Variants in TDRD3 observed in about 807,000 individuals in gnomAD.
TDRD3 encodes tudor domain containing 3, also known as tudor domain-containing protein 3.
Under a neutral mutation model 86.7 loss-of-function variants are expected in TDRD3, and 45 were observed. The ratio of observed to expected loss-of-function variants is 0.52; its 90% CI spans 0.41 to 0.67. TDRD3 has a LOEUF of 0.67. Ranked by LOEUF, TDRD3 falls within the 30% of genes least tolerant of loss-of-function variation. TDRD3 has a pLI of 0.00. For missense variants in TDRD3, 814 were observed against 889.0 expected, an observed-to-expected ratio of 0.92 and a Z score of 1.07; for synonymous variants, 298 against 301.7, an observed-to-expected ratio of 0.99 and a Z score of 0.13.
intron 1 of TDRD3, among the ~76,000 whole-genome samples, chr13:60,436,643 C>A (rs1594931884): frequency 6.6e-6 from 1 of 152,010 alleles, no homozygotes; most frequent in Non-Finnish European, 1.5e-5. Flanking sequence ...TATTTTTATA[C>A]CAGTACCATG....
rs186983759 is a variant in TDRD3, at chr13:60,499,865, A to T, written c.858+5290A>T. ...TCATTTGGATGTGTTACTCTGGCGG[A>T]TTTATCAAGTGACCCAAAAGGCTGC... On this transcript the variant is annotated intron_variant, in intron 8 of 13. Coordinates refer to ENST00000377881, the MANE Select transcript of TDRD3 (RefSeq NM_001146070.2). Among the ~76,000 whole-genome samples the T allele has an allele frequency of 3.1e-4, 47 of 152,260 alleles. 1 individual carries two copies. The highest frequency in any genetic ancestry group is 1.1e-3 in the African/African-American group (47 of 41,556).
rs189899409 is a variant in TDRD3 at position 60,493,623 on chromosome 13, A to G, written c.718-812A>G. On this transcript the variant is annotated intron_variant, in intron 7 of 13. Transcript: ENST00000377881. ...GGTTGTAGTGAGCTGAGATTGCACCACTGCACTCCAGTCTAGGTGACAGAA... is the reference window on the plus strand; with the variant it reads ...GGTTGTAGTGAGCTGAGATTGCACCGCTGCACTCCAGTCTAGGTGACAGAA... 1.6e-4 allele frequency among the ~76,000 whole-genome samples: 24 copies of G among 152,282 alleles called. No homozygotes were observed. The East Asian group carries it at 4.6e-3, about 29-fold the overall frequency.
intron 1 of TDRD3, among the ~76,000 whole-genome samples, chr13:60,415,063 CTGAT>C (rs1327929867): frequency 6.6e-5 from 10 of 151,812 alleles, no homozygotes; most frequent in African/African-American, 1.9e-4. Flanking sequence ...TTAAATTAAA[CTGAT>C]TGGTCATCAG....
intron 5 of TDRD3, among the ~76,000 whole-genome samples, chr13:60,473,681 A>G (rs1956118693): frequency 6.6e-6 from 1 of 152,218 alleles, no homozygotes; most frequent in Non-Finnish European, 1.5e-5. Context: ...GGCCATACAG[A>G]GATAGGAGCT....
At chr13:60,516,999 C>T (rs1285273415) in intron 10 of TDRD3, among the ~76,000 whole-genome samples, 2 of 151,986 alleles carry the variant, frequency 1.3e-5, no homozygotes, top group Admixed American at 6.6e-5. Flanking sequence ...TATGGTGTTC[C>T]ATTATTTTTA....
chr13:60,561,403 T>C (rs1958329752), intron 12 of TDRD3, among the ~76,000 whole-genome samples: 1 of 152,056 alleles, frequency 6.6e-6, no homozygotes, highest in African/African-American at 2.4e-5. Flanking sequence ...GTAGCAAAGG[T>C]TGAAGTAGGT....
intron 8 of TDRD3, among the ~76,000 whole-genome samples, chr13:60,497,376 G>A (rs1394506776): frequency 6.6e-6 from 1 of 152,182 alleles, no homozygotes; most frequent in African/African-American, 2.4e-5. Context: ...TCAGGTGATA[G>A]ATGATTGGCT....
chr13:60,492,239 T>C (rs1442179145), intron 7 of TDRD3, among the ~76,000 whole-genome samples: 2 of 152,218 alleles, frequency 1.3e-5, no homozygotes, highest in African/African-American at 4.8e-5. Flanking sequence ...AAAACACTTT[T>C]GGAATTAGGG....
intron 10 of TDRD3, among the ~76,000 whole-genome samples, chr13:60,512,470 A>G (rs1377913353): frequency 3.9e-5 from 6 of 152,136 alleles, no homozygotes; most frequent in African/African-American, 1.4e-4. Context: ...TTCAGCATTA[A>G]CTTAAAAGTC....
chr13:60,442,371 ATG>A (rs35214486), intron 2 of TDRD3, among the ~76,000 whole-genome samples: 37 of 150,426 alleles, frequency 2.5e-4, no homozygotes, highest in Middle Eastern at 3.5e-3. Context: ...TAGGGATTTT[ATG>A]TGTGTGTGTG....
At position 60,453,919 on chromosome 13, in the gene TDRD3, T is replaced by C. The variant is rs564852755; in HGVS notation, c.193-6461T>C. ...CTCATTAGTTTTTTTTGTTTTTTTT[T>C]CAGTTCTCTTTAAGGCTATCAATTT... On this transcript the variant is annotated intron_variant, in intron 3 of 13. Coordinates refer to ENST00000377881, the MANE Select transcript of TDRD3 (RefSeq NM_001146070.2). Among the ~76,000 whole-genome samples, 3 of 152,312 alleles carry C rather than the reference T, an allele frequency of 2.0e-5. No individual in the cohort carries two copies. In the East Asian group the frequency reaches 5.8e-4, roughly 29 times the overall value.
intron 12 of TDRD3, among the ~76,000 whole-genome samples, chr13:60,553,218 G>A: frequency 6.6e-6 from 1 of 152,122 alleles, no homozygotes; most frequent in Non-Finnish European, 1.5e-5. Context: ...GTAGATCACT[G>A]AACGCTTTCA....
intron 6 of TDRD3, chr13:60,484,735 C>T (rs910030189): frequency 2.2e-6 from 1 of 453,372 alleles, no homozygotes; most frequent in Non-Finnish European, 4.4e-6. Context: ...GTGTGAAGTC[C>T]TATGGTGTGA....
chr13:60,572,964 CTG>C (rs1222166965), intron 13 of TDRD3, among the ~76,000 whole-genome samples: 27 of 152,166 alleles, frequency 1.8e-4, no homozygotes. Context: ...AAGCAGGAGA[CTG>C]TTTACTTCCC....
intron 7 of TDRD3, among the ~76,000 whole-genome samples, chr13:60,492,815 A>G (rs1201248770): frequency 6.6e-6 from 1 of 151,952 alleles, no homozygotes; most frequent in Non-Finnish European, 1.5e-5. Context: ...CCTAATAGAG[A>G]TGCTTAATAT....
chr13:60,463,874 C>T (rs1955856556), intron 4 of TDRD3, among the ~76,000 whole-genome samples: 1 of 152,064 alleles, frequency 6.6e-6, no homozygotes, highest in Non-Finnish European at 1.5e-5. Context: ...CCTCTAAACC[C>T]TATATTGGAA....
intron 1 of TDRD3, among the ~76,000 whole-genome samples, chr13:60,406,096 G>A (rs968782187): frequency 1.3e-5 from 2 of 152,202 alleles, no homozygotes; most frequent in Admixed American, 6.5e-5. Context: ...TTACTTGAGT[G>A]TGAGGTCCCT....
chr13:60,461,016 T>TAA (rs991965852), intron 4 of TDRD3: 2 of 151,304 alleles, frequency 1.3e-5, no homozygotes, highest in East Asian at 3.9e-4. Flanking sequence ...TATATATATA[T>TAA]AAAATAAAAA....
chr13:60,495,738 G>A (rs1003591952), intron 8 of TDRD3, among the ~76,000 whole-genome samples: 2 of 152,158 alleles, frequency 1.3e-5, no homozygotes, highest in Non-Finnish European at 2.9e-5. Flanking sequence ...AAGGTGCTGG[G>A]ATTACAGGCG....
Sources: allele counts gnomAD v4.1 joint callset (sites outside exome capture counted in the v4.1 genomes callset), GRCh38; gene constraint gnomAD v4.1.1; transcripts MANE v1.5; gene names NCBI Gene and HGNC (gene_info 2026-07-23, HGNC 2026-07-21).